Variants in TDRP observed in about 807,000 individuals in gnomAD.
TDRP encodes testis development related protein.
A neutral mutation model predicts 10.5 loss-of-function variants in TDRP; 12 were observed. The observed-to-expected ratio is 1.15, with a 90% CI of 0.73 to 1.86. The LOEUF is 1.86. Among genes scored for constraint, TDRP ranks in the 40% most tolerant of loss-of-function variants. The probability of loss-of-function intolerance (pLI) is 0.00; values close to 1 mark genes in which losing one functional copy is unlikely to be tolerated. For missense variants in TDRP, 353 were observed against 229.2 expected, an observed-to-expected ratio of 1.54 and a Z score of -3.49; for synonymous variants, 139 against 95.4, an observed-to-expected ratio of 1.46 and a Z score of -2.67.
chr8:509,171 G>C (rs1402227259), intron 1 of TDRP, among the ~76,000 whole-genome samples: 1 of 152,230 alleles, frequency 6.6e-6, no homozygotes, highest in Non-Finnish European at 1.5e-5. Flanking sequence ...TTGAGTGTCT[G>C]CAGCTTTTCC....
At chr8:495,303 G>A (rs796444573) in intron 1 of TDRP, among the ~76,000 whole-genome samples, 1 of 152,112 alleles carries the variant, frequency 6.6e-6, no homozygotes, top group Non-Finnish European at 1.5e-5. Flanking sequence ...GTTACAAGAG[G>A]TCCCCTAGAA....
intron 1 of TDRP, among the ~76,000 whole-genome samples, chr8:521,246 C>CACA (rs1801894747): frequency 6.4e-4 from 54 of 84,596 alleles, no homozygotes; most frequent in Non-Finnish European, 1.1e-3. Context: ...ACTAAAAATC[C>CACA]AAAAAAAAAA....
chr8:495,882 T>C (rs972007104), intron 1 of TDRP, among the ~76,000 whole-genome samples: 1 of 152,154 alleles, frequency 6.6e-6, no homozygotes, highest in African/African-American at 2.4e-5. Flanking sequence ...CCCTGAAAAC[T>C]AACCAGGGAC....
Position 491,687 on chromosome 8 carries a change from G to C in TDRP, c.*712C>G, listed in dbSNP as rs1042636196. On this transcript the variant is annotated 3_prime_UTR_variant, in exon 3 of 3. Transcript: ENST00000324079. ...TTCTTTAATCTGTAAACAAAAAAGA[G>C]AGCAAATGTTTTAAGAAAATAAAGG... is the stretch of plus-strand genomic sequence containing the variant. 9 of 1,497,756 alleles carry C rather than the reference G, an allele frequency of 6.0e-6. No individual in the cohort carries two copies. The highest frequency in any genetic ancestry group is 2.8e-5 in the African/African-American group (2 of 70,626). The allele number at this position is 1,497,756 out of a possible 1,614,324, so 92.8% of individuals were successfully genotyped here.
At chr8:531,291 C>G (rs534446484) in intron 1 of TDRP, among the ~76,000 whole-genome samples, 2 of 152,108 alleles carry the variant, frequency 1.3e-5, no homozygotes, top group African/African-American at 4.8e-5. Context: ...ATATTGTTGT[C>G]AGTCAGAGTC....
chr8:516,079 C>T (rs1801750034), intron 1 of TDRP, among the ~76,000 whole-genome samples: 1 of 152,060 alleles, frequency 6.6e-6, no homozygotes, highest in African/African-American at 2.4e-5. Flanking sequence ...TACCTGAATG[C>T]CTGAATGGAT....
intron 1 of TDRP, among the ~76,000 whole-genome samples, chr8:510,523 G>T (rs1354443545): frequency 6.6e-6 from 1 of 152,142 alleles, no homozygotes; most frequent in Non-Finnish European, 1.5e-5. Context: ...GCCCCAATAA[G>T]ATTAACAGCT....
At chr8:525,031 A>G (rs956954056) in intron 1 of TDRP, among the ~76,000 whole-genome samples, 1 of 152,226 alleles carries the variant, frequency 6.6e-6, no homozygotes, top group African/African-American at 2.4e-5. Flanking sequence ...TCAAACTCCT[A>G]AAGACCAAAG....
chr8:536,652 GA>G (rs1361376047), intron 1 of TDRP, among the ~76,000 whole-genome samples: 8 of 152,136 alleles, frequency 5.3e-5, no homozygotes, highest in African/African-American at 1.9e-4. Flanking sequence ...ATTTTATATT[GA>G]TTACCTATTG....
intron 1 of TDRP, among the ~76,000 whole-genome samples, chr8:529,855 T>C (rs145648583): frequency 2.4e-4 from 36 of 152,342 alleles, no homozygotes; most frequent in African/African-American, 8.4e-4. Flanking sequence ...TGGGCTTCTT[T>C]ACCCTTTCTT....
intron 1 of TDRP, among the ~76,000 whole-genome samples, chr8:506,535 G>A (rs926397092): frequency 3.3e-5 from 5 of 152,194 alleles, no homozygotes; most frequent in Non-Finnish European, 5.9e-5. Flanking sequence ...GGAAGGAGGC[G>A]CTGCTGTGCA....
chr8:503,668 C>A (rs1432794871), intron 1 of TDRP, among the ~76,000 whole-genome samples: 1 of 148,176 alleles, frequency 6.7e-6, no homozygotes, highest in Non-Finnish European at 1.5e-5. Flanking sequence ...CACCTCAACA[C>A]ACACCAACAC....
chr8:491,273 CT>C lies in TDRP; in HGVS notation c.*1125del. On this transcript the variant is annotated 3_prime_UTR_variant, in exon 3 of 3. Coordinates refer to ENST00000324079, the MANE Select transcript of TDRP (RefSeq NM_001384899.1). ...CAGTGTAACTGGAGGTTTTATTTTA[CT>C]TTTAAACAAAAAAGAAAAATATACC... 5.0e-6 allele frequency: 1 copy of C among 199,982 alleles called. No homozygotes were observed. The allele number at this position is 199,982 out of a possible 1,614,324, so 12.4% of individuals were successfully genotyped here.
chr8:544,648 A>C lies in TDRP; in HGVS notation c.108+2T>G. 8.2e-7 allele frequency: 1 copy of C among 1,226,760 alleles called. No homozygotes were observed. The highest frequency in any genetic ancestry group is 1.0e-6 in the Non-Finnish European group (1 of 984,754). 76.0% of individuals were successfully genotyped at this position (1,226,760 alleles called of 1,614,324 possible). A position where few individuals can be genotyped will look rare whatever the true frequency, so the allele number is the denominator to read the frequency against. ...GCACTCCCCACCTGCGCACCCCCTC[A>C]CCTGCGCCTGGGCGGCGGCGGCGGC... On this transcript the variant is annotated splice_donor_variant, in intron 1 of 2. Transcript: ENST00000324079. LOFTEE classifies it high-confidence loss of function.
intron 1 of TDRP, among the ~76,000 whole-genome samples, chr8:524,674 G>A (rs763738482): frequency 6.6e-6 from 1 of 151,592 alleles, no homozygotes; most frequent in Non-Finnish European, 1.5e-5. Context: ...GACATATGAA[G>A]AATGCATCAG....
chr8:542,630 CGA>C (rs1159035698), intron 1 of TDRP, among the ~76,000 whole-genome samples: 1 of 151,426 alleles, frequency 6.6e-6, no homozygotes, highest in Non-Finnish European at 1.5e-5. Flanking sequence ...TTCAGAAGGC[CGA>C]GGAGGGCAGA....
chr8:506,033 C>A (rs978681174), intron 1 of TDRP, among the ~76,000 whole-genome samples: 1 of 152,094 alleles, frequency 6.6e-6, no homozygotes, highest in African/African-American at 2.4e-5. Context: ...GTCTGGGTGT[C>A]CTCTTTCTCC....
At position 522,791 on chromosome 8, in the gene TDRP, T is replaced by A. The variant is rs551224844; in HGVS notation, c.108+21859A>T. Among the ~76,000 whole-genome samples, 9 of 152,294 alleles carry A rather than the reference T, an allele frequency of 5.9e-5. No individual in the cohort carries two copies. In the East Asian group the frequency reaches 1.7e-3, roughly 29 times the overall value. On this transcript the variant is annotated intron_variant, in intron 1 of 2. Coordinates refer to ENST00000324079, the MANE Select transcript of TDRP (RefSeq NM_001384899.1). Reference sequence around the variant, plus strand: ...AGCAATTACATAGTCCTTCTTTGTGTTTTGTGACAGTTTTTGACTTTTATC... The same window carrying A: ...AGCAATTACATAGTCCTTCTTTGTGATTTGTGACAGTTTTTGACTTTTATC...
intron 2 of TDRP, among the ~76,000 whole-genome samples, chr8:493,939 T>C (rs182998329): frequency 1.3e-5 from 2 of 151,854 alleles, no homozygotes; most frequent in African/African-American, 2.4e-5. Flanking sequence ...CAGGACCTTT[T>C]ATCCAAAGTA....
Sources: gnomAD v4.1 joint callset for allele counts (sites outside exome capture counted in the v4.1 genomes callset) on GRCh38, gnomAD v4.1.1 for gene constraint, MANE v1.5 for transcripts, NCBI Gene and HGNC (gene_info 2026-07-23, HGNC 2026-07-21) for gene names.